The following NRXN3 variants were observed in gnomAD, a reference collection of about 807,000 sequenced individuals.
NRXN3 encodes the protein neurexin III.
Under a neutral mutation model 137.6 loss-of-function variants are expected in NRXN3, and 32 were observed. The observed-to-expected ratio is 0.23, with a 90% CI of 0.18 to 0.31. NRXN3 has a LOEUF of 0.31. Among genes scored for constraint, NRXN3 ranks in the 10% least tolerant of loss-of-function variants. NRXN3 has a pLI of 1.00. For missense variants in NRXN3, 1,574 were observed against 2,062.5 expected, an observed-to-expected ratio of 0.76 and a Z score of 4.59; for synonymous variants, 798 against 784.5, an observed-to-expected ratio of 1.02 and a Z score of -0.29.
intron 19 of NRXN3, among the ~76,000 whole-genome samples, chr14:79,713,190 T>A (rs72696790): frequency 0.31 from 33,105 of 108,266 alleles, 4,707 homozygotes; most frequent in Middle Eastern, 0.4. Flanking sequence ...TTTTTTTTTT[T>A]ACCCTCTCTC....
intron 6 of NRXN3, among the ~76,000 whole-genome samples, chr14:78,652,509 C>T (rs1391486999): frequency 6.6e-6 from 1 of 152,248 alleles, no homozygotes; most frequent in East Asian, 1.9e-4. Context: ...GATATCTATA[C>T]CATCTCCCTG....
intron 4 of NRXN3, among the ~76,000 whole-genome samples, chr14:78,496,574 AT>A (rs944841305): frequency 6.6e-6 from 1 of 152,136 alleles, no homozygotes; most frequent in African/African-American, 2.4e-5. Context: ...AGAGGAAAAA[AT>A]ATCCTTCCTT....
At chr14:79,579,083 A>G (rs1234173795) in intron 16 of NRXN3, among the ~76,000 whole-genome samples, 1 of 152,066 alleles carries the variant, frequency 6.6e-6, no homozygotes, top group Non-Finnish European at 1.5e-5. Flanking sequence ...ATTCAAATTC[A>G]GTAGAAATAT....
chr14:78,197,289 C>T lies in NRXN3; in HGVS notation c.-704+26615C>T, dbSNP rs77905109. ...TAGCTGGGGTGCTAGAAAAGAACTT[C>T]GGCTTTCAGAGCTTGGCTGCATGCC... On this transcript the variant is annotated intron_variant, in intron 1 of 20. Coordinates refer to ENST00000335750, the MANE Select transcript of NRXN3 (RefSeq NM_001330195.2). Among the ~76,000 whole-genome samples, 720 of 152,310 alleles carry T rather than the reference C, an allele frequency of 4.7e-3. 32 individuals carry two copies. In the East Asian group the frequency reaches 0.1, roughly 22 times the overall value.
chr14:78,769,122 C>T (rs1444334615), intron 8 of NRXN3, among the ~76,000 whole-genome samples: 2 of 152,156 alleles, frequency 1.3e-5, no homozygotes, highest in Non-Finnish European at 2.9e-5. Context: ...TTAGGATAAA[C>T]TCAGATTATG....
chr14:78,926,509 G>A (rs2099291720), intron 10 of NRXN3, among the ~76,000 whole-genome samples: 1 of 144,696 alleles, frequency 6.9e-6, no homozygotes, highest in African/African-American at 2.6e-5. Context: ...GAGAGGCCAA[G>A]GTAGGTTCAT....
At chr14:78,953,023 A>G (rs919591900) in intron 10 of NRXN3, among the ~76,000 whole-genome samples, 1 of 152,220 alleles carries the variant, frequency 6.6e-6, no homozygotes, top group African/African-American at 2.4e-5. Context: ...CGTGTATGTC[A>G]GGGGTAACTT....
chr14:78,501,275 T>A (rs2095872169), intron 4 of NRXN3, among the ~76,000 whole-genome samples: 1 of 152,178 alleles, frequency 6.6e-6, no homozygotes, highest in Admixed American at 6.5e-5. Flanking sequence ...GCTGCAGTCA[T>A]CCTAAGGGTC....
chr14:78,219,837 G>T (rs2063660589), intron 1 of NRXN3, among the ~76,000 whole-genome samples: 1 of 152,100 alleles, frequency 6.6e-6, no homozygotes, highest in Admixed American at 6.5e-5. Context: ...AGGAGAGAGA[G>T]GTTGGAAGTA....
chr14:78,720,821 G>A (rs2098456394), intron 8 of NRXN3, among the ~76,000 whole-genome samples: 2 of 152,250 alleles, frequency 1.3e-5, no homozygotes, highest in South Asian at 4.1e-4. Context: ...AATAGCTTTA[G>A]TTTCAGTGGC....
At chr14:79,711,062 A>AAAAG (rs1440334251) in intron 19 of NRXN3, among the ~76,000 whole-genome samples, 1 of 152,246 alleles carries the variant, frequency 6.6e-6, no homozygotes, top group Non-Finnish European at 1.5e-5. Flanking sequence ...TTCTATTCAA[A>AAAAG]AAAGACCAAA....
rs900008227 is a variant in NRXN3 at position 79,580,386 on chromosome 14, T to G, written c.3445-83392T>G. On this transcript the variant is annotated intron_variant, in intron 16 of 20. Transcript: ENST00000335750. Reference sequence around the variant, plus strand: ...GTGAAGGGAAAGCAGAATTAAATTTTCTGTCTCTTTAAACTCAGTCATCTT... The same window carrying G: ...GTGAAGGGAAAGCAGAATTAAATTTGCTGTCTCTTTAAACTCAGTCATCTT... Among the ~76,000 whole-genome samples, 90 of 152,156 alleles carry G rather than the reference T, an allele frequency of 5.9e-4. 2 individuals carry two copies. The highest frequency in any genetic ancestry group is 1.6e-4 in the Non-Finnish European group (11 of 68,018).
intron 4 of NRXN3, among the ~76,000 whole-genome samples, chr14:78,438,088 T>G (rs1033880432): frequency 3.9e-5 from 6 of 152,078 alleles, no homozygotes; most frequent in Non-Finnish European, 7.4e-5. Flanking sequence ...ATTCTTTGGA[T>G]GTTTTATAGT....
chr14:79,203,579 TGATAGCATTTTTCTCTGG>T (rs374691218), intron 15 of NRXN3, among the ~76,000 whole-genome samples: 1 of 152,188 alleles, frequency 6.6e-6, no homozygotes, highest in African/African-American at 2.4e-5. Flanking sequence ...AGATTTCCTG[TGATAGCATTTTTCTCTGG>T]GATCTAATAA....
At chr14:79,356,203 C>T (rs1239741686) in intron 15 of NRXN3, among the ~76,000 whole-genome samples, 2 of 152,092 alleles carry the variant, frequency 1.3e-5, no homozygotes, top group East Asian at 1.9e-4. Context: ...TTAAAACTAG[C>T]CTTCTTTGCT....
At chr14:78,439,169 T>TA (rs1009545025) in intron 4 of NRXN3, among the ~76,000 whole-genome samples, 15 of 151,658 alleles carry the variant, frequency 9.9e-5, no homozygotes, top group Non-Finnish European at 1.9e-4. Context: ...TGAAGATAGT[T>TA]AAAAAAAATG....
chr14:78,460,412 C>T (rs966199916), intron 4 of NRXN3, among the ~76,000 whole-genome samples: 1 of 152,194 alleles, frequency 6.6e-6, no homozygotes, highest in Admixed American at 6.5e-5. Context: ...GTTTTTCTGG[C>T]CCCCATCTAG....
chr14:78,868,824 A>AAAAAT (rs377747187), intron 10 of NRXN3, among the ~76,000 whole-genome samples: 45 of 151,946 alleles, frequency 3.0e-4, no homozygotes, highest in East Asian at 1.5e-3. Context: ...TCCATCTCAA[A>AAAAAT]AAAATAAAAT....
chr14:78,309,772 G>T (rs2077756870), intron 4 of NRXN3, among the ~76,000 whole-genome samples: 1 of 152,130 alleles, frequency 6.6e-6, no homozygotes, highest in South Asian at 2.1e-4. Flanking sequence ...TTAGTGTTCA[G>T]TTAAAAACAC....
Sources: gnomAD v4.1 joint callset for allele counts (sites outside exome capture counted in the v4.1 genomes callset) on GRCh38, gnomAD v4.1.1 for gene constraint, MANE v1.5 for transcripts, NCBI Gene and HGNC (gene_info 2026-07-23, HGNC 2026-07-21) for gene names.